Variants in ITLN2 observed in about 807,000 individuals in gnomAD.
The protein encoded by ITLN2 is intelectin 2.
ITLN2 carries 29 observed loss-of-function variants against 39.4 expected under a neutral mutation model. The observed-to-expected ratio is 0.74, with a 90% CI of 0.55 to 1.00. ITLN2 has a LOEUF of 1.00. Ranked by LOEUF, ITLN2 falls within the 50% of genes least tolerant of loss-of-function variation. ITLN2 has a pLI of 0.00. For missense variants in ITLN2, 412 were observed against 416.7 expected, an observed-to-expected ratio of 0.99 and a Z score of 0.10; for synonymous variants, 156 against 153.4, an observed-to-expected ratio of 1.02 and a Z score of -0.12.
chr1:160,950,244 T>A, intron 5 of ITLN2, 78 bp from the exon 6 acceptor site: 4 of 1,467,320 alleles, frequency 2.7e-6, no homozygotes, highest in Non-Finnish European at 2.8e-6. Context: ...GGGTTTCAAA[T>A]TAACTGCCAT....
At position 160,951,222 on chromosome 1, in the gene ITLN2, C is replaced by T. The variant is rs372343513; in HGVS notation, c.262G>A (p.Gly88Ser). 181 of 1,613,066 alleles carry T rather than the reference C, an allele frequency of 1.1e-4. 1 individual carries two copies. The Middle Eastern group carries it at 2.6e-3, about 23-fold the overall frequency. The change falls in exon 4 of 8, where the codon GGT becomes AGT. Residue 88 changes from glycine (G) to serine (S), a missense_variant. Gly to Ser is a moderately conservative substitution (Grantham distance 56). Coordinates refer to ENST00000368029, the MANE Select transcript of ITLN2 (RefSeq NM_080878.3). The stretch of plus-strand genomic sequence containing the variant: ...CTGGCCACCAGGGTCCAGCCGCCAC[C>T]CCCAGAAGTCATGTCACAGAAGGTC... The part of the protein sequence containing the change: ...YQTFCDMTSG[G>S]GGWTLVASVH...
chr1:160,952,516 G>A (rs1464135225), intron 3 of ITLN2, 104 bp downstream of exon 3: 2 of 770,716 alleles, frequency 2.6e-6, no homozygotes, highest in East Asian at 5.2e-5. Flanking sequence ...GCTGGGGGCA[G>A]AACAGGCTCC....
At chr1:160,950,939 G>T in intron 4 of ITLN2, 104 bp downstream of exon 4, 1 of 1,591,472 alleles carries the variant, frequency 6.3e-7, no homozygotes, top group South Asian at 1.1e-5. Context: ...TTCTTCTCCA[G>T]CCCTTCCCCA....
intron 4 of ITLN2, 24 bp from the exon 5 acceptor site, chr1:160,950,735 C>T (rs1053432411): frequency 6.2e-7 from 1 of 1,602,376 alleles, no homozygotes; most frequent in African/African-American, 1.3e-5. Flanking sequence ...GACACTGAGC[C>T]TGACTGGGCC....
intron 7 of ITLN2, among the ~76,000 whole-genome samples, chr1:160,946,796 G>GGAGATGAT (rs1420919613): frequency 6.6e-6 from 1 of 151,876 alleles, no homozygotes; most frequent in Non-Finnish European, 1.5e-5. Context: ...GACATCATCA[G>GGAGATGAT]GAGAGTAATG....
chr1:160,954,491 T>G, intron 1 of ITLN2, 41 bp from the exon 2 acceptor site: 1 of 1,465,116 alleles, frequency 6.8e-7, no homozygotes, highest in Non-Finnish European at 9.4e-7. Context: ...GGCTGGCCCT[T>G]CCTTTGTCAT....
chr1:160,953,071 G>A (rs1671782142), intron 2 of ITLN2, among the ~76,000 whole-genome samples: 1 of 152,186 alleles, frequency 6.6e-6, no homozygotes, highest in South Asian at 2.1e-4. Flanking sequence ...ACGGGGGTGA[G>A]GCCTGGGAAC....
intron 6 of ITLN2, 148 bp downstream of exon 6, chr1:160,949,898 C>G: frequency 1.5e-6 from 1 of 683,924 alleles, no homozygotes; most frequent in East Asian, 2.7e-5. Context: ...AATTAAATGA[C>G]ACAAAATCAT....
chr1:160,954,546 A>G (rs1022607479), intron 1 of ITLN2, 96 bp from the exon 2 acceptor site: 2 of 1,263,664 alleles, frequency 1.6e-6, no homozygotes, highest in Non-Finnish European at 2.3e-6. Flanking sequence ...GGAATCCTCA[A>G]ATGGAAAGTG....
chr1:160,950,572 T>C lies in ITLN2; in HGVS notation c.581A>G (p.Asn194Ser), dbSNP rs1317229320. The C allele has an allele frequency of 1.2e-6, 2 of 1,614,088 alleles. No homozygotes were observed. The highest frequency in any genetic ancestry group is 1.7e-6 in the Non-Finnish European group (2 of 1,179,978). Reference protein sequence around the residue: ...NTGFLQRLGHNLFGIYQKYPV... With the variant: ...NTGFLQRLGHSLFGIYQKYPV... ...GTGTACCTGGTAGATGCCAAACAGA[T>C]TATGTCCCAGTCTCTGGAGGAAGCC... The change falls in exon 5 of 8, where the codon AAT (asparagine) becomes AGT (serine). Residue 194 changes from asparagine to serine, a missense_variant. By Grantham distance (46) the Asn-to-Ser change is conservative (BLOSUM62 1). Coordinates refer to ENST00000368029, the MANE Select transcript of ITLN2 (RefSeq NM_080878.3).
At chr1:160,952,962 G>A (rs1262266037) in intron 2 of ITLN2, among the ~76,000 whole-genome samples, 1 of 152,134 alleles carries the variant, frequency 6.6e-6, no homozygotes, top group African/African-American at 2.4e-5. Context: ...CCTAGACACC[G>A]GACAAAGACA....
At chr1:160,954,477 C>A in intron 1 of ITLN2, 27 bp from the exon 2 acceptor site, 1 of 1,542,134 alleles carries the variant, frequency 6.5e-7, no homozygotes, top group South Asian at 1.2e-5. Context: ...TGCACAAGGT[C>A]ACTGGCTGGC....
At chr1:160,954,296 T>C in intron 2 of ITLN2, 91 bp downstream of exon 2, 1 of 1,017,818 alleles carries the variant, frequency 9.8e-7, no homozygotes, top group South Asian at 1.5e-5. Context: ...ACCCTTGACT[T>C]CAGAGCCCTG....
At chr1:160,946,700 G>A (rs995209670) in intron 7 of ITLN2, among the ~76,000 whole-genome samples, 3 of 149,446 alleles carry the variant, frequency 2.0e-5, no homozygotes, top group Admixed American at 6.7e-5. Flanking sequence ...GTGACAGAGC[G>A]AGACTCTGTC....
chr1:160,947,438 C>G (rs1671630852), intron 7 of ITLN2, among the ~76,000 whole-genome samples: 1 of 152,190 alleles, frequency 6.6e-6, no homozygotes, highest in African/African-American at 2.4e-5. Context: ...TGCAAAGAAG[C>G]CTTCCTCTTT....
rs1671736291 is a variant in ITLN2, at chr1:160,951,245, G to T, written c.239C>A (p.Thr80Asn). ...LRTKNGVVYQ[T>N]FCDMTSGGGG... ...ACCCCCAGAAGTCATGTCACAGAAG[G>T]TCTGGTAGACAACACCATTCTTGGT... The change falls in exon 4 of 8, where the codon ACC becomes AAC. Residue 80 changes from threonine (T) to asparagine (N), a missense_variant. By Grantham distance (65) the Thr-to-Asn change is moderately conservative. Transcript: ENST00000368029. 9 of 1,609,382 alleles carry T rather than the reference G, an allele frequency of 5.6e-6. No individual in the cohort carries two copies. Among genetic ancestry groups the T allele is most frequent in the Non-Finnish European group, 7.6e-6 (9 of 1,177,406 alleles).
chr1:160,946,695 A>G (rs1671612014), intron 7 of ITLN2, among the ~76,000 whole-genome samples: 1 of 151,880 alleles, frequency 6.6e-6, no homozygotes, highest in South Asian at 2.1e-4. Flanking sequence ...CCTTGGTGAC[A>G]GAGCGAGACT....
intron 6 of ITLN2, 166 bp downstream of exon 6, chr1:160,949,879 TC>T: frequency 1.6e-6 from 1 of 628,964 alleles, no homozygotes; most frequent in Non-Finnish European, 2.7e-6. Flanking sequence ...TTCATAGTTT[TC>T]TCATGGTAAT....
rs755418453 is a variant in ITLN2 at position 160,945,199 on chromosome 1, C to T, written c.919G>A (p.Val307Ile). 3.1e-6 allele frequency: 5 copies of T among 1,607,260 alleles called. No individual in the cohort carries two copies. Among genetic ancestry groups the T allele is most frequent in the African/African-American group, 1.3e-5 (1 of 74,366 alleles). Reference protein sequence around the residue: ...AFDWDGYGTHVKSSCSREITE... With the variant: ...AFDWDGYGTHIKSSCSREITE... ...ATCTCCCGACTGCAGCTGCTCTTAACGTGAGTTCCATATCCATCCCAGTCA... is the reference window on the plus strand; with the variant it reads ...ATCTCCCGACTGCAGCTGCTCTTAATGTGAGTTCCATATCCATCCCAGTCA... Residue 307 changes from valine (V) to isoleucine (I), a missense_variant, in exon 8 of 8, where the codon GTT becomes ATT. Physicochemically the swap from Val to Ile is conservative, Grantham distance 29. Coordinates refer to ENST00000368029, the MANE Select transcript of ITLN2 (RefSeq NM_080878.3).
Sources: allele counts gnomAD v4.1 joint callset (sites outside exome capture counted in the v4.1 genomes callset), GRCh38; gene constraint gnomAD v4.1.1; transcripts MANE v1.5; gene names NCBI Gene and HGNC (gene_info 2026-07-23, HGNC 2026-07-21).